NRG1: variants seen among roughly 807,000 people sequenced by gnomAD.
The protein encoded by NRG1 is pro-neuregulin-1, membrane-bound isoform.
In NRG1, 18 loss-of-function variants were observed where a neutral mutation model predicts 63.8. The observed-to-expected ratio is 0.28, with a 90% confidence interval of 0.19 to 0.42. NRG1 has a LOEUF of 0.42. Among genes scored for constraint, NRG1 ranks in the 10% least tolerant of loss-of-function variants. The pLI is 1.00. For missense variants in NRG1, 762 were observed against 814.7 expected (o/e 0.94, Z 0.79); for synonymous variants, 302 against 301.3 (o/e 1.00, Z -0.02).
chr8:32,763,364 A>G lies in NRG1; in HGVS notation c.1260-384A>G, dbSNP rs1831059512. 7 of 1,613,200 alleles carry G rather than the reference A, an allele frequency of 4.3e-6. No individual in the cohort carries two copies. The Middle Eastern group carries it at 6.6e-4, about 152-fold the overall frequency. Reference sequence around the variant, plus strand: ...GACCCCTTGGCCTTTAGGAAGGTATAGTATTTAAGTAATACTTCTTTCCCT... The same window carrying G: ...GACCCCTTGGCCTTTAGGAAGGTATGGTATTTAAGTAATACTTCTTTCCCT... On this transcript the variant is annotated intron_variant, in intron 11 of 11. Coordinates refer to ENST00000356819, the Ensembl canonical transcript of NRG1.
At chr8:32,077,228 A>C (rs2131102919) in intron 1 of NRG1, among the ~76,000 whole-genome samples, 1 of 152,256 alleles carries the variant, frequency 6.6e-6, no homozygotes, top group Admixed American at 6.5e-5. Flanking sequence ...TTAGCTGGGC[A>C]TGGTTGCAAG....
intron 1 of NRG1, among the ~76,000 whole-genome samples, chr8:31,838,253 T>G (rs529836608): frequency 5.9e-5 from 9 of 152,246 alleles, no homozygotes; most frequent in African/African-American, 1.9e-4. Context: ...ACATAAAAAT[T>G]TTAATATATC....
chr8:32,088,735 G>T (rs539079021), intron 1 of NRG1, among the ~76,000 whole-genome samples: 16 of 152,050 alleles, frequency 1.1e-4, no homozygotes, highest in African/African-American at 3.9e-4. Context: ...GGCCAGGATG[G>T]TCTCAATCTC....
At chr8:32,410,052 C>G (rs923811128) in intron 1 of NRG1, among the ~76,000 whole-genome samples, 2 of 151,976 alleles carry the variant, frequency 1.3e-5, no homozygotes, top group Admixed American at 6.6e-5. Flanking sequence ...AGTTATCCCA[C>G]CAACAATCAG....
intron 1 of NRG1, among the ~76,000 whole-genome samples, chr8:31,789,929 T>G (rs1050973361): frequency 8.5e-5 from 13 of 152,182 alleles, no homozygotes; most frequent in Non-Finnish European, 1.5e-5. Context: ...TTAATATCAT[T>G]TTATGGCATA....
chr8:31,759,836 G>A lies in NRG1; in HGVS notation c.37+120405G>A, dbSNP rs112974666. 8.2e-4 allele frequency among the ~76,000 whole-genome samples: 125 copies of A among 152,148 alleles called. 1 individual carries two copies. The highest frequency in any genetic ancestry group is 2.8e-3 in the African/African-American group (117 of 41,538). ...TTTACAACATTTAGTTTTGCAACCC[G>A]TGAGTCTATTATCTCTCTCAATTTA... On this transcript the variant is annotated intron_variant, in intron 1 of 10. Transcript: ENST00000519301.
intron 1 of NRG1, chr8:32,099,878 C>G (rs535176038): frequency 6.6e-5 from 10 of 152,316 alleles, no homozygotes; most frequent in African/African-American, 2.4e-4. Flanking sequence ...AAGAAACAAC[C>G]TGCTACCATA....
chr8:31,755,295 A>G (rs1391797244), intron 1 of NRG1, among the ~76,000 whole-genome samples: 1 of 152,070 alleles, frequency 6.6e-6, no homozygotes, highest in Non-Finnish European at 1.5e-5. Context: ...TTGATACCCC[A>G]ACATATAACG....
rs139134985 is a variant in NRG1 at position 32,739,295 on chromosome 8, C to T, written c.633-3380C>T. ...ATGAAGCTTCTTATTCCATAGTTCT[C>T]GGCTGTGGCCTGCGTTTACACTAGC... is the stretch of plus-strand genomic sequence containing the variant. On this transcript the variant is annotated intron_variant, in intron 6 of 11. Transcript: ENST00000356819. 2.2e-4 allele frequency among the ~76,000 whole-genome samples: 33 copies of T among 152,180 alleles called. No homozygotes were observed. The East Asian group carries it at 4.8e-3, about 22-fold the overall frequency.
chr8:32,752,940 A>C (rs1188616734), intron 7 of NRG1, among the ~76,000 whole-genome samples: 1 of 152,188 alleles, frequency 6.6e-6, no homozygotes, highest in East Asian at 1.9e-4. Context: ...GTTTTGTTTC[A>C]TGATAAGGTC....
At chr8:32,372,188 T>C (rs987464171) in intron 1 of NRG1, among the ~76,000 whole-genome samples, 9 of 151,940 alleles carry the variant, frequency 5.9e-5, no homozygotes, top group Non-Finnish European at 1.2e-4. Context: ...GGGGTCTTGC[T>C]GTGTTGCACA....
intron 1 of NRG1, among the ~76,000 whole-genome samples, chr8:31,991,831 C>T (rs1285834816): frequency 1.3e-5 from 2 of 151,852 alleles, no homozygotes; most frequent in African/African-American, 4.8e-5. Context: ...ATGATATTTA[C>T]CTGCAATACA....
At chr8:31,840,602 C>T (rs1368921498) in intron 1 of NRG1, among the ~76,000 whole-genome samples, 1 of 152,024 alleles carries the variant, frequency 6.6e-6, no homozygotes, top group East Asian at 1.9e-4. Flanking sequence ...ATCTTCTGCC[C>T]CCATGTCATA....
At chr8:32,683,061 T>G (rs1019267577) in intron 5 of NRG1, among the ~76,000 whole-genome samples, 1 of 152,228 alleles carries the variant, frequency 6.6e-6, no homozygotes, top group African/African-American at 2.4e-5. Context: ...AGCTATTATT[T>G]ATGCACAACA....
intron 1 of NRG1, among the ~76,000 whole-genome samples, chr8:32,319,626 C>A (rs1231716842): frequency 6.6e-6 from 1 of 151,970 alleles, no homozygotes; most frequent in East Asian, 1.9e-4. Context: ...CCAGGTAACA[C>A]CCATGATGCT....
intron 6 of NRG1, among the ~76,000 whole-genome samples, chr8:32,737,225 G>A (rs888706553): frequency 5.3e-5 from 8 of 152,108 alleles, no homozygotes; most frequent in Non-Finnish European, 1.0e-4. Context: ...GAGGGAGGGA[G>A]ACTGTGAGAA....
chr8:32,176,029 A>G (rs1245367512), intron 1 of NRG1, among the ~76,000 whole-genome samples: 3 of 152,248 alleles, frequency 2.0e-5, no homozygotes, highest in South Asian at 2.1e-4. Context: ...TGCCAAGTCA[A>G]TCCTAAGCCA....
intron 1 of NRG1, among the ~76,000 whole-genome samples, chr8:32,502,313 A>T (rs926963529): frequency 2.0e-5 from 3 of 150,900 alleles, no homozygotes; most frequent in East Asian, 2.0e-4. Context: ...TGAGTACAGT[A>T]CCAAGAGGGA....
At chr8:31,959,619 A>T (rs1586083989) in intron 1 of NRG1, among the ~76,000 whole-genome samples, 1 of 152,244 alleles carries the variant, frequency 6.6e-6, no homozygotes, top group East Asian at 1.9e-4. Context: ...CTCATAGTTA[A>T]TCTATAAAGC....
Sources: allele counts gnomAD v4.1 joint callset (sites outside exome capture counted in the v4.1 genomes callset), GRCh38; gene constraint gnomAD v4.1.1; transcripts MANE v1.5; gene names NCBI Gene and HGNC (gene_info 2026-07-23, HGNC 2026-07-21).